Variants in IARS1 observed in about 807,000 individuals in gnomAD.
IARS1 encodes isoleucine--tRNA ligase, cytoplasmic.
In IARS1, 124 loss-of-function variants were observed where a neutral mutation model predicts 168.2. That is an observed-to-expected ratio of 0.74 (90% CI 0.64 to 0.86). IARS1 has a LOEUF of 0.86. Ranked by LOEUF, IARS1 falls within the 40% of genes least tolerant of loss-of-function variation. The pLI, the probability that IARS1 is intolerant of heterozygous loss-of-function variation, is 0.00. For synonymous variants in IARS1, 532 were observed against 529.4 expected, an observed-to-expected ratio of 1.00 and a Z score of -0.07; for missense variants, 1,452 against 1,515.8, an observed-to-expected ratio of 0.96 and a Z score of 0.70.
At chr9:92,282,861 T>TA (rs1491424150) in intron 6 of IARS1, among the ~76,000 whole-genome samples, 3,545 of 109,408 alleles carry the variant, frequency 0.032, 51 homozygotes, top group East Asian at 0.055. Flanking sequence ...TATATATATA[T>TA]TTTTTTTTTT....
At chr9:92,293,498 C>G (rs1310967780) in intron 1 of IARS1, 113 bp downstream of exon 1, 2 of 528,280 alleles carry the variant, frequency 3.8e-6, no homozygotes, top group Non-Finnish European at 7.7e-6. Context: ...ACGGCAAGCC[C>G]CGAAGAAACA....
intron 33 of IARS1, among the ~76,000 whole-genome samples, chr9:92,218,809 G>A (rs1048321302): frequency 2.0e-5 from 3 of 149,738 alleles, no homozygotes; most frequent in African/African-American, 5.0e-5. Context: ...ATGCTCATGG[G>A]TAGGAAGAAT....
At position 92,223,391 on chromosome 9, in the gene IARS1, G is replaced by GA; in HGVS notation, c.3507dup (p.Leu1170SerfsTer28). 6.2e-7 allele frequency: 1 copy of GA among 1,613,912 alleles called. No homozygotes were observed. The highest frequency in any genetic ancestry group is 2.2e-5 in the East Asian group (1 of 44,878). On this transcript the variant is annotated frameshift_variant, in exon 32 of 34. Transcript: ENST00000443024. LOFTEE classifies it high-confidence loss of function. The stretch of plus-strand genomic sequence containing the variant: ...AGCTGTAGGTTGATATACTGACAAA[G>GA]AAGAGTACTAGAACTGTTGATCAGA...
intron 31 of IARS1, among the ~76,000 whole-genome samples, chr9:92,224,825 C>T (rs759137565): frequency 1.3e-4 from 19 of 148,360 alleles, no homozygotes; most frequent in Non-Finnish European, 2.5e-4. Flanking sequence ...CGAGTGAGAC[C>T]CTGTCTCAAA....
chr9:92,289,821 T>C (rs1836035665), intron 1 of IARS1, among the ~76,000 whole-genome samples: 1 of 152,232 alleles, frequency 6.6e-6, no homozygotes, highest in South Asian at 2.1e-4. Flanking sequence ...ATGTGGCCTA[T>C]TGCATCTGGT....
At chr9:92,234,004 T>G (rs1423765062) in intron 30 of IARS1, among the ~76,000 whole-genome samples, 1 of 152,158 alleles carries the variant, frequency 6.6e-6, no homozygotes, top group Non-Finnish European at 1.5e-5. Context: ...AAAGTAATCC[T>G]CCTGCCTAAG....
chr9:92,236,307 T>G (rs374189379), intron 30 of IARS1, among the ~76,000 whole-genome samples: 3 of 152,332 alleles, frequency 2.0e-5, no homozygotes, highest in African/African-American at 7.2e-5. Flanking sequence ...AATACTGTCT[T>G]TATCTGGTTT....
At position 92,240,862 on chromosome 9, in the gene IARS1, C is replaced by T. The variant is rs750075842; in HGVS notation, c.3277G>A (p.Glu1093Lys). ...TCATGGAATTTACTCTTACCTTGTT[C>T]ACTGCCATTTGCACAAATGTTAAGA... ...VNLNICANGS[E>K]QGGVLLLENP... The change falls in exon 30 of 34, where the codon GAA (glutamate) becomes AAA (lysine). Residue 1093 changes from glutamate (E) to lysine (K), a missense_variant. Transcript: ENST00000443024. The T allele has an allele frequency of 1.3e-6, 2 of 1,598,174 alleles. No homozygotes were observed. Among genetic ancestry groups the T allele is most frequent in the East Asian group, 2.2e-5 (1 of 44,786 alleles).
chr9:92,218,108 G>C (rs1466619041), intron 33 of IARS1, among the ~76,000 whole-genome samples: 1 of 152,092 alleles, frequency 6.6e-6, no homozygotes. Flanking sequence ...TGGGATGCAA[G>C]GCTGGTTCAA....
intron 9 of IARS1, 68 bp from the exon 10 acceptor site, chr9:92,274,589 G>GT: frequency 8.9e-7 from 1 of 1,120,458 alleles, no homozygotes; most frequent in Non-Finnish European, 1.3e-6. Flanking sequence ...CTTTGTAACA[G>GT]TTTTTCCTAA....
At chr9:92,231,968 C>T (rs1259053333) in intron 30 of IARS1, among the ~76,000 whole-genome samples, 2 of 152,154 alleles carry the variant, frequency 1.3e-5, no homozygotes, top group Non-Finnish European at 2.9e-5. Flanking sequence ...ACCTCCACTA[C>T]ATATTTATAA....
chr9:92,257,618 G>A (rs1830905789), intron 19 of IARS1, among the ~76,000 whole-genome samples: 2 of 152,194 alleles, frequency 1.3e-5, no homozygotes, highest in African/African-American at 2.4e-5. Flanking sequence ...CTGGGGAAAG[G>A]CTACTCTGAG....
In IARS1 at chr9:92,244,994, C is replaced by A. The variant is rs745433637; in HGVS notation, c.2869G>T (p.Gly957Trp). ...LMYTFDQATG[G>W]TAQFEAHSDA... ...GAGTGTGCTTCAAATTGCGCAGTCCCACCTGTGGCCTGATCAAAGGTGTAC... is the reference window on the plus strand; with the variant it reads ...GAGTGTGCTTCAAATTGCGCAGTCCAACCTGTGGCCTGATCAAAGGTGTAC... The change falls in exon 27 of 34, where the codon GGG (glycine) becomes TGG (tryptophan). Residue 957 changes from glycine to tryptophan, a missense_variant. Transcript: ENST00000443024. 1 of 1,614,038 alleles carries A rather than the reference C, an allele frequency of 6.2e-7. No individual in the cohort carries two copies.
chr9:92,265,515 C>G lies in IARS1; in HGVS notation c.1470G>C (p.Leu490=), dbSNP rs768987490. ...GGAGATCTGAGATCTTTGCTCCTGA[C>G]AGTTCTTCAAGTTCCGCCACTGACC... ...CIGSVAELEE[L]SGAKISDLHR... The change falls in exon 15 of 34, where the codon CTG becomes CTC. Residue 490 remains leucine, a synonymous_variant. Coordinates refer to ENST00000443024, the MANE Select transcript of IARS1 (RefSeq NM_002161.6). 1 of 1,613,558 alleles carries G rather than the reference C, an allele frequency of 6.2e-7. No individual in the cohort carries two copies. Among genetic ancestry groups the G allele is most frequent in the Non-Finnish European group, 8.5e-7 (1 of 1,179,830 alleles).
intron 30 of IARS1, among the ~76,000 whole-genome samples, chr9:92,239,572 AGAG>A (rs1474769867): frequency 1.3e-5 from 2 of 151,142 alleles, no homozygotes; most frequent in Admixed American, 6.6e-5. Flanking sequence ...CTGACACTAC[AGAG>A]GAGTTGCTCG....
intron 33 of IARS1, among the ~76,000 whole-genome samples, chr9:92,219,861 G>T (rs887803330): frequency 6.6e-6 from 1 of 151,028 alleles, no homozygotes; most frequent in African/African-American, 2.5e-5. Flanking sequence ...TCAGTGTGGC[G>T]ATTCCTCAGG....
chr9:92,292,876 G>T (rs1190432911), intron 1 of IARS1, among the ~76,000 whole-genome samples: 1 of 152,100 alleles, frequency 6.6e-6, no homozygotes, highest in Non-Finnish European at 1.5e-5. Flanking sequence ...TTCCAGAATT[G>T]CTTCCCTTTT....
At chr9:92,247,197 A>AAGAGAAG (rs199733381) in intron 26 of IARS1, among the ~76,000 whole-genome samples, 180 bp downstream of exon 26, 1 of 152,196 alleles carries the variant, frequency 6.6e-6, no homozygotes. Flanking sequence ...CTGTCAAGAA[A>AAGAGAAG]AGAGAAGAGA....
chr9:92,286,871 C>T (rs1046188346), intron 4 of IARS1, among the ~76,000 whole-genome samples: 1 of 152,160 alleles, frequency 6.6e-6, no homozygotes, highest in Admixed American at 6.5e-5. Flanking sequence ...AAAACCACCA[C>T]TTGGCAAATA....
Sources: allele counts gnomAD v4.1 joint callset (sites outside exome capture counted in the v4.1 genomes callset), GRCh38; gene constraint gnomAD v4.1.1; transcripts MANE v1.5; gene names NCBI Gene and HGNC (gene_info 2026-07-23, HGNC 2026-07-21).